The following CCDC183 variants were observed in gnomAD, a reference collection of about 807,000 sequenced individuals.
CCDC183 encodes the protein coiled-coil domain-containing protein 183.
CCDC183 carries 63 observed loss-of-function variants against 65.2 expected under a neutral mutation model. The ratio of observed to expected loss-of-function variants is 0.97; its 90% CI spans 0.79 to 1.19. The LOEUF (loss-of-function observed/expected upper bound fraction) is 1.19, where lower values mean the gene tolerates loss of function less well. Among genes scored for constraint, CCDC183 ranks in the 50% most tolerant of loss-of-function variants. The pLI, the probability that CCDC183 is intolerant of heterozygous loss-of-function variation, is 0.00. For synonymous variants in CCDC183, 323 were observed against 276.5 expected, an observed-to-expected ratio of 1.17 and a Z score of -1.67; for missense variants, 769 against 689.3, an observed-to-expected ratio of 1.12 and a Z score of -1.30.
At chr9:136,800,565 G>A in intron 5 of CCDC183, 72 bp downstream of exon 5, 2 of 1,174,166 alleles carry the variant, frequency 1.7e-6, no homozygotes, top group South Asian at 1.3e-5. Context: ...GTCCTGGGGC[G>A]GAGCCGCCCC....
intron 1 of CCDC183, among the ~76,000 whole-genome samples, chr9:136,797,539 C>T (rs905433935): frequency 6.8e-6 from 1 of 147,806 alleles, no homozygotes. Context: ...CCTGGGTTCA[C>T]GTCATTCTCC....
chr9:136,800,652 A>T, intron 5 of CCDC183, 159 bp downstream of exon 5: 2 of 605,066 alleles, frequency 3.3e-6, no homozygotes. Flanking sequence ...ACGTTTTTTT[A>T]AACTTCATTT....
At chr9:136,807,396 G>A in intron 13 of CCDC183, 176 bp from the exon 14 acceptor site, 1 of 839,740 alleles carries the variant, frequency 1.2e-6, no homozygotes, top group East Asian at 2.7e-5. Context: ...GGAAAGGCTA[G>A]GCAGGGCAGC....
rs942138306 is a variant in CCDC183, at chr9:136,800,166, G to A, written c.435G>A (p.Leu145=). ...PDASKEELRL[L]QIIRQLENNI... is the part of the protein sequence containing the mutation. Reference sequence around the variant, plus strand: ...CCAGCAAGGAGGAGCTGCGGCTGCTGCAGGTGGAGAGGCGGGGCTGGGAGG... The same window carrying A: ...CCAGCAAGGAGGAGCTGCGGCTGCTACAGGTGGAGAGGCGGGGCTGGGAGG... The change falls in exon 4 of 14, where the codon CTG becomes CTA. Residue 145 remains leucine (L), a synonymous_variant. Transcript: ENST00000338005. 5.2e-6 allele frequency: 8 copies of A among 1,529,546 alleles called. No homozygotes were observed. In the African/African-American group the frequency reaches 8.3e-5, roughly 16 times the overall value. The allele number at this position is 1,529,546 out of a possible 1,614,324, so 94.7% of individuals were successfully genotyped here.
In CCDC183 at chr9:136,807,593, T is replaced by C; in HGVS notation, c.1508T>C (p.Met503Thr). The change falls in exon 14 of 14, where the codon ATG becomes ACG. Residue 503 changes from methionine to threonine, a missense_variant. Coordinates refer to ENST00000338005, the MANE Select transcript of CCDC183 (RefSeq NM_001039374.5). ...GCAGACACCTTCCAGTTCCCCGACA[T>C]GGACCACAGCTACGTCCCTTCGCGC... ...DMIDTFQFPD[M>T]DHSYVPSRAE... 4.4e-6 allele frequency: 7 copies of C among 1,606,030 alleles called. No individual in the cohort carries two copies. Among genetic ancestry groups the C allele is most frequent in the Non-Finnish European group, 5.1e-6 (6 of 1,176,856 alleles).
rs1412884674 is a variant in CCDC183, at chr9:136,804,153, G to T, written c.667-349G>T. The T allele has an allele frequency of 3.6e-6, 1 of 276,010 alleles. No homozygotes were observed. The highest frequency in any genetic ancestry group is 7.1e-6 in the Non-Finnish European group (1 of 140,074). The allele number at this position is 276,010 out of a possible 1,614,324, so 17.1% of individuals were successfully genotyped here. The stretch of plus-strand genomic sequence containing the variant: ...CAGATGACGGTTTTAGCTGCCCAAG[G>T]GCACGCTGGAAGAGGCCAGGTTTTG... On this transcript the variant is annotated intron_variant, in intron 6 of 13. Coordinates refer to ENST00000338005, the MANE Select transcript of CCDC183 (RefSeq NM_001039374.5). This position sits in a 1 kb window ranked among gnomAD's most constrained non-coding sequence, Gnocchi z 4.1.
At position 136,799,737 on chromosome 9, in the gene CCDC183, G is replaced by T. The variant is rs1055345504; in HGVS notation, c.217G>T (p.Ala73Ser). 6.2e-7 allele frequency: 1 copy of T among 1,613,212 alleles called. No individual in the cohort carries two copies. Among genetic ancestry groups the T allele is most frequent in the Non-Finnish European group, 8.5e-7 (1 of 1,179,922 alleles). Residue 73 changes from alanine to serine, a missense_variant, in exon 3 of 14, where the codon GCC (alanine) becomes TCC (serine). Transcript: ENST00000338005. ...KKYDQWTISKACGKNLPLRLA... is the reference protein window; with the variant it reads ...KKYDQWTISKSCGKNLPLRLA... ...GTATGACCAGTGGACCATCTCCAAG[G>T]CCTGCGGGAAAAACTTGCCTTTGCG...
In CCDC183 at chr9:136,799,700, C is replaced by G. The variant is rs745731409; in HGVS notation, c.193-13C>G. ...AAAGGGCCCGCTCTAGCTCAGCCGC[C>G]GCCGCTCCGCAGTATGACCAGTGGA... On this transcript the variant is annotated splice_polypyrimidine_tract_variant and intron_variant, in intron 2 of 13. Transcript: ENST00000338005. 3.2e-5 allele frequency: 52 copies of G among 1,611,594 alleles called. No individual in the cohort carries two copies. The East Asian group carries it at 1.2e-3, about 36-fold the overall frequency.
At chr9:136,800,654 A>C in intron 5 of CCDC183, 161 bp downstream of exon 5, 1 of 602,312 alleles carries the variant, frequency 1.7e-6, no homozygotes. Context: ...GTTTTTTTAA[A>C]CTTCATTTTT....
intron 1 of CCDC183, 146 bp downstream of exon 1, chr9:136,796,613 GA>G: frequency 4.5e-6 from 3 of 666,290 alleles, no homozygotes; most frequent in Non-Finnish European, 7.9e-6. Flanking sequence ...TCTGTACTAA[GA>G]AAAATTGTTT....
intron 13 of CCDC183, 100 bp downstream of exon 13, chr9:136,807,166 A>G: frequency 9.4e-7 from 1 of 1,067,796 alleles, no homozygotes; most frequent in Non-Finnish European, 1.4e-6. Context: ...CTGGAGGGAC[A>G]GCGGGGCTAC....
chr9:136,804,736 C>T lies in CCDC183; in HGVS notation c.793-26C>T. On this transcript the variant is annotated intron_variant, in intron 7 of 13. Transcript: ENST00000338005. The surrounding 1 kb of genome is among the most constrained non-coding windows in gnomAD (Gnocchi z 4.1). Reference sequence around the variant, plus strand: ...CACTCCCTGCCAAGGATGTCTCATCCCTTCCCCGCCCCCACCTCCCATCAG... The same window carrying T: ...CACTCCCTGCCAAGGATGTCTCATCTCTTCCCCGCCCCCACCTCCCATCAG... 1 of 1,613,480 alleles carries T rather than the reference C, an allele frequency of 6.2e-7. No homozygotes were observed. The highest frequency in any genetic ancestry group is 8.5e-7 in the Non-Finnish European group (1 of 1,179,648).
chr9:136,805,298 T>TA (rs1337969321), intron 8 of CCDC183, 59 bp from the exon 9 acceptor site: 16 of 1,430,876 alleles, frequency 1.1e-5, no homozygotes, highest in Admixed American at 1.9e-5. Context: ...CTGACAGCCT[T>TA]ACACAGAGCC....
Position 136,806,803 on chromosome 9 carries a change from C to A in CCDC183, c.1325C>A (p.Ala442Glu). The change falls in exon 12 of 14, where the codon GCG becomes GAG. Residue 442 changes from alanine to glutamate, a missense_variant. Physicochemically the swap from Ala to Glu is moderately radical, Grantham distance 107. Transcript: ENST00000338005. ...ACCCTCGATTTGAACAGCAAGCTGG[C>A]GTACTGCGAGGGGAAGCTCACGTAC... The part of the protein sequence containing the change: ...SNTLDLNSKL[A>E]YCEGKLTYLA... 6.2e-7 allele frequency: 1 copy of A among 1,613,626 alleles called. No homozygotes were observed. The highest frequency in any genetic ancestry group is 8.5e-7 in the Non-Finnish European group (1 of 1,180,016).
At chr9:136,806,432 G>A (rs1360976100) in intron 10 of CCDC183, 72 bp from the exon 11 acceptor site, 56 of 1,585,416 alleles carry the variant, frequency 3.5e-5, no homozygotes, top group Middle Eastern at 1.7e-4. Context: ...ACTCAGGACT[G>A]GGCTCCTGGG....
Position 136,804,931 on chromosome 9 carries a change from G to A in CCDC183, c.847+115G>A, listed in dbSNP as rs1847816271. 3.4e-6 allele frequency: 3 copies of A among 872,408 alleles called. No individual in the cohort carries two copies. Among genetic ancestry groups the A allele is most frequent in the Non-Finnish European group, 3.6e-6 (2 of 549,500 alleles). The allele number at this position is 872,408 out of a possible 1,614,324, so 54.0% of individuals were successfully genotyped here. A position where few individuals can be genotyped will look rare whatever the true frequency, so the allele number is the denominator to read the frequency against. Reference sequence around the variant, plus strand: ...CCAGGTGTGACATGTGGTCGCCAGGGTGAAGGGAAGGACAGGTCCCTGCCT... The same window carrying A: ...CCAGGTGTGACATGTGGTCGCCAGGATGAAGGGAAGGACAGGTCCCTGCCT... On this transcript the variant is annotated intron_variant, in intron 8 of 13. Transcript: ENST00000338005. The surrounding 1 kb of genome is among the most constrained non-coding windows in gnomAD (Gnocchi z 4.1).
intron 2 of CCDC183, 107 bp from the exon 3 acceptor site, chr9:136,799,606 A>T: frequency 2.1e-6 from 2 of 953,118 alleles, no homozygotes; most frequent in Non-Finnish European, 3.2e-6. Flanking sequence ...GGATCTCGCT[A>T]CTGGGCTAGC....
rs1165788816 is a variant in CCDC183 at position 136,807,580 on chromosome 9, C to T, written c.1495C>T (p.Gln499Ter). The change falls in exon 14 of 14, where the codon CAG becomes TAG. Residue 499 changes from glutamine to a stop codon, truncating the protein, a stop_gained. Coordinates refer to ENST00000338005, the MANE Select transcript of CCDC183 (RefSeq NM_001039374.5). LOFTEE classifies it high-confidence loss of function. ...NREEDMIDTF[Q>*]FPDMDHSYVP... is the part of the protein sequence containing the mutation. ...GCCGCCTCCGCCCGCAGACACCTTC[C>T]AGTTCCCCGACATGGACCACAGCTA... 1.9e-6 allele frequency: 3 copies of T among 1,604,206 alleles called. No individual in the cohort carries two copies. The highest frequency in any genetic ancestry group is 1.7e-6 in the Non-Finnish European group (2 of 1,176,086).
intron 8 of CCDC183, chr9:136,805,056 C>T (rs1847817846): frequency 1.7e-6 from 1 of 597,040 alleles, no homozygotes; most frequent in African/African-American, 1.9e-5. Flanking sequence ...CCCAGTGACT[C>T]TGCAGAGGAT....
Sources: gnomAD v4.1 joint callset for allele counts (sites outside exome capture counted in the v4.1 genomes callset) on GRCh38, gnomAD v4.1.1 for gene constraint, Gnocchi (gnomAD v3.1) non-coding constraint, MANE v1.5 for transcripts, NCBI Gene and HGNC (gene_info 2026-07-23, HGNC 2026-07-21) for gene names.